TMEM184B: variants seen among roughly 807,000 people sequenced by gnomAD.
TMEM184B encodes transmembrane protein 184B, also known as putative MAPK-activating protein FM08.
TMEM184B carries 17 observed loss-of-function variants against 41.8 expected under a neutral mutation model. The ratio of observed to expected loss-of-function variants is 0.41; its 90% CI spans 0.28 to 0.61. The LOEUF (loss-of-function observed/expected upper bound fraction) is 0.61. Among genes scored for constraint, TMEM184B ranks in the 20% least tolerant of loss-of-function variants. The pLI is 0.34. For missense variants in TMEM184B, 393 were observed against 557.8 expected, an observed-to-expected ratio of 0.70 and a Z score of 2.98; for synonymous variants, 240 against 229.5, an observed-to-expected ratio of 1.05 and a Z score of -0.41.
At chr22:38,256,982 T>TG (rs897192939) in intron 1 of TMEM184B, among the ~76,000 whole-genome samples, 9 of 149,514 alleles carry the variant, frequency 6.0e-5, no homozygotes, top group African/African-American at 2.2e-4. Flanking sequence ...TAATAGTTTT[T>TG]TTTTTTTTTT....
intron 3 of TMEM184B, among the ~76,000 whole-genome samples, chr22:38,237,238 G>C (rs2091796099): frequency 6.6e-6 from 1 of 152,200 alleles, no homozygotes; most frequent in South Asian, 2.1e-4. Flanking sequence ...AGGAAATTCA[G>C]GCATGGAGCA....
Position 38,272,915 on chromosome 22 carries a change from G to A in TMEM184B, c.-90C>T. 2 of 656,822 alleles carry A rather than the reference G, an allele frequency of 3.0e-6. No individual in the cohort carries two copies. Among genetic ancestry groups the A allele is most frequent in the Non-Finnish European group, 3.8e-6 (2 of 529,846 alleles). The allele number at this position is 656,822 out of a possible 1,614,324, so 40.7% of individuals were successfully genotyped here. On this transcript the variant is annotated 5_prime_UTR_variant, in exon 1 of 9. Coordinates refer to ENST00000361906, the MANE Select transcript of TMEM184B (RefSeq NM_012264.5). Reference sequence around the variant, plus strand: ...AGCCCATGGCGGTGGCGGCGTCTGCGGACGATGCGCGGCAGCCGGACTCTG... The same window carrying A: ...AGCCCATGGCGGTGGCGGCGTCTGCAGACGATGCGCGGCAGCCGGACTCTG...
intron 5 of TMEM184B, among the ~76,000 whole-genome samples, chr22:38,228,742 C>T (rs1031028423): frequency 6.6e-6 from 1 of 152,144 alleles, no homozygotes. Flanking sequence ...AAGGAAGAGG[C>T]CTCTTTTGTT....
chr22:38,218,666 C>T (rs2091179296), downstream of TMEM184B, among the ~76,000 whole-genome samples: 1 of 152,190 alleles, frequency 6.6e-6, no homozygotes, highest in Non-Finnish European at 1.5e-5. Flanking sequence ...CGGTGCTTTC[C>T]CTGCCAAGCC....
At chr22:38,250,219 G>A (rs1007223764) in intron 1 of TMEM184B, among the ~76,000 whole-genome samples, 10 of 152,238 alleles carry the variant, frequency 6.6e-5, no homozygotes, top group East Asian at 1.9e-4. Context: ...AGGATCCTGC[G>A]CCCGCTGTCT....
intron 1 of TMEM184B, among the ~76,000 whole-genome samples, chr22:38,262,627 C>T (rs135712): frequency 0.21 from 31,458 of 152,182 alleles, 4,058 homozygotes; most frequent in Middle Eastern, 0.35. Context: ...ATGACGTGAG[C>T]CAATCGGAGC....
chr22:38,267,083 CAAA>C (rs135719), intron 1 of TMEM184B, among the ~76,000 whole-genome samples: 5 of 109,982 alleles, frequency 4.5e-5, no homozygotes, highest in Non-Finnish European at 5.6e-5. Context: ...AACTCTGTCT[CAAA>C]AAAAAAAAAA....
intron 1 of TMEM184B, among the ~76,000 whole-genome samples, chr22:38,257,772 T>C (rs2092306604): frequency 6.6e-6 from 1 of 152,156 alleles, no homozygotes; most frequent in South Asian, 2.1e-4. Context: ...AATATCCACA[T>C]ATTGGGGGTG....
Position 38,220,370 on chromosome 22 carries a change from A to G in TMEM184B, c.*1099T>C. On this transcript the variant is annotated 3_prime_UTR_variant, in exon 9 of 9. Transcript: ENST00000361906. Reference sequence around the variant, plus strand: ...TGGGGAGCCAGGGAGGGGCGCTTTCATATGTGACTAAGGCACAGAAGAGAT... The same window carrying G: ...TGGGGAGCCAGGGAGGGGCGCTTTCGTATGTGACTAAGGCACAGAAGAGAT... 4.1e-6 allele frequency: 4 copies of G among 986,178 alleles called. No individual in the cohort carries two copies. Among genetic ancestry groups the G allele is most frequent in the Non-Finnish European group, 3.6e-6 (3 of 830,226 alleles). The allele number at this position is 986,178 out of a possible 1,614,324, so 61.1% of individuals were successfully genotyped here.
At chr22:38,272,774 C>T in intron 1 of TMEM184B, 110 bp downstream of exon 1, 1 of 985,262 alleles carries the variant, frequency 1.0e-6, no homozygotes, top group Non-Finnish European at 1.2e-6. Flanking sequence ...GAGCCGGCGG[C>T]CGAAGCCGGG....
chr22:38,234,399 G>A (rs1167671131), intron 3 of TMEM184B, among the ~76,000 whole-genome samples: 4 of 152,170 alleles, frequency 2.6e-5, no homozygotes, highest in Admixed American at 6.5e-5. Flanking sequence ...GAGCCTTCAG[G>A]TGATTTGCCC....
intron 1 of TMEM184B, among the ~76,000 whole-genome samples, chr22:38,258,358 A>G (rs1055895352): frequency 2.0e-5 from 3 of 150,248 alleles, no homozygotes; most frequent in African/African-American, 4.9e-5. Context: ...TGGAGTACAG[A>G]GGAACAATCT....
At chr22:38,270,732 G>A (rs765998493) in intron 1 of TMEM184B, among the ~76,000 whole-genome samples, 5 of 152,134 alleles carry the variant, frequency 3.3e-5, no homozygotes, top group Non-Finnish European at 5.9e-5. Context: ...GCTGTGACTC[G>A]TTTTCAAAAC....
chr22:38,238,627 C>A (rs1414638214), intron 3 of TMEM184B, among the ~76,000 whole-genome samples: 1 of 152,248 alleles, frequency 6.6e-6, no homozygotes, highest in South Asian at 2.1e-4. Flanking sequence ...TGGCCCTGCA[C>A]CTGCGGCCCT....
At chr22:38,255,313 C>CAT (rs2092258267) in intron 1 of TMEM184B, among the ~76,000 whole-genome samples, 1 of 151,890 alleles carries the variant, frequency 6.6e-6, no homozygotes. Context: ...CGTGAGCCAC[C>CAT]GCACCCGGCC....
downstream of TMEM184B, chr22:38,216,543 G>A (rs570766689): frequency 3.0e-5 from 4 of 134,932 alleles, no homozygotes; most frequent in Admixed American, 3.2e-4. Flanking sequence ...TTTGGCGAGG[G>A]GTGTCTAAAA....
chr22:38,242,012 A>AT (rs34264806), intron 3 of TMEM184B, among the ~76,000 whole-genome samples: 149,093 of 152,086 alleles, frequency 0.98, 73,090 homozygotes, highest in East Asian at 1. Context: ...GTACAAGCAT[A>AT]TTTTAGGTCA....
At position 38,265,816 on chromosome 22, in the gene TMEM184B, G is replaced by A. The variant is rs1035719612; in HGVS notation, c.-59+7068C>T. 3.9e-5 allele frequency among the ~76,000 whole-genome samples: 6 copies of A among 152,318 alleles called. No homozygotes were observed. In the East Asian group the frequency reaches 9.6e-4, roughly 24 times the overall value. Reference sequence around the variant, plus strand: ...TCTGCATGAAACAAAAACCACAGGCGCTAGAGGTGGGGACCAGGAGGCTCT... The same window carrying A: ...TCTGCATGAAACAAAAACCACAGGCACTAGAGGTGGGGACCAGGAGGCTCT... On this transcript the variant is annotated intron_variant, in intron 1 of 8. Transcript: ENST00000361906.
Position 38,221,403 on chromosome 22 carries a change from G to C in TMEM184B, c.*66C>G. ...CAGCTGCCTCCTGGCCTGGTGGTGA[G>C]GCTGGAGGTGGGGCACAGCCTGACC... On this transcript the variant is annotated 3_prime_UTR_variant, in exon 9 of 9. Transcript: ENST00000361906. 2 of 1,531,240 alleles carry C rather than the reference G, an allele frequency of 1.3e-6. No individual in the cohort carries two copies. Among genetic ancestry groups the C allele is most frequent in the Non-Finnish European group, 1.8e-6 (2 of 1,142,772 alleles). 94.9% of individuals were successfully genotyped at this position (1,531,240 alleles called of 1,614,324 possible). A position where few individuals can be genotyped will look rare whatever the true frequency, so the allele number is the denominator to read the frequency against.
Sources: allele counts gnomAD v4.1 joint callset (sites outside exome capture counted in the v4.1 genomes callset), GRCh38; gene constraint gnomAD v4.1.1; transcripts MANE v1.5; gene names NCBI Gene and HGNC (gene_info 2026-07-23, HGNC 2026-07-21).